The following DMXL1 variants were observed in gnomAD, a reference collection of about 807,000 sequenced individuals.
The protein encoded by DMXL1 is Dmx like 1, also known as dmX-like protein 1.
Under a neutral mutation model 319.2 loss-of-function variants are expected in DMXL1, and 99 were observed. That is an observed-to-expected ratio of 0.31 (90% CI 0.26 to 0.37). The LOEUF is 0.37. Ranked by LOEUF, DMXL1 falls within the 10% of genes least tolerant of loss-of-function variation. DMXL1 has a pLI of 1.00. For synonymous variants in DMXL1, 1,385 were observed against 1,235.2 expected, an observed-to-expected ratio of 1.12 and a Z score of -2.54; for missense variants, 3,745 against 3,595.6, an observed-to-expected ratio of 1.04 and a Z score of -1.06.
At chr5:119,125,593 C>G (rs1763349909) in intron 9 of DMXL1, among the ~76,000 whole-genome samples, 1 of 152,060 alleles carries the variant, frequency 6.6e-6, no homozygotes, top group Non-Finnish European at 1.5e-5. Flanking sequence ...GAGATGAAGT[C>G]TCACTCTGTT....
At chr5:119,086,776 G>C (rs112555872) in intron 1 of DMXL1, among the ~76,000 whole-genome samples, 1 of 151,908 alleles carries the variant, frequency 6.6e-6, no homozygotes, top group African/African-American at 2.4e-5. Context: ...TTTGAGTAGA[G>C]TTGGTATTAG....
At chr5:119,073,887 A>G (rs1750214411) in intron 1 of DMXL1, among the ~76,000 whole-genome samples, 1 of 151,526 alleles carries the variant, frequency 6.6e-6, no homozygotes, top group Non-Finnish European at 1.5e-5. Flanking sequence ...GTTAAAAGGC[A>G]GAATCTATTG....
At chr5:119,218,795 C>G (rs1023778420) in intron 35 of DMXL1, among the ~76,000 whole-genome samples, 1 of 152,170 alleles carries the variant, frequency 6.6e-6, no homozygotes, top group Non-Finnish European at 1.5e-5. Context: ...AAATTTGCAG[C>G]TGAGAAATAA....
At chr5:119,145,506 A>G (rs1453282246) in intron 15 of DMXL1, among the ~76,000 whole-genome samples, 1 of 151,786 alleles carries the variant, frequency 6.6e-6, no homozygotes, top group African/African-American at 2.4e-5. Context: ...TAAAGATATC[A>G]GGCGTAAGAG....
rs1469015575 is a variant in DMXL1, at chr5:119,121,075, C to G, written c.1038C>G (p.Asn346Lys). ...AGGATCCTCATCATGTTCACAGGAA[C>G]ACTCCACTGCATGCCAATGCACTTT... ...HQQDPHHVHR[N>K]TPLHANALCH... The change falls in exon 9 of 44, where the codon AAC becomes AAG. Residue 346 changes from asparagine (N) to lysine (K), a missense_variant. Around this residue, in one of 4 missense-constraint regions of DMXL1, gnomAD observed 2,096 missense variants for 1,985.4 expected, o/e 1.06. Transcript: ENST00000539542. The G allele has an allele frequency of 5.0e-6, 8 of 1,613,292 alleles. No homozygotes were observed. The South Asian group carries it at 7.7e-5, about 16-fold the overall frequency.
At chr5:119,176,695 G>C (rs1181928466) in intron 26 of DMXL1, among the ~76,000 whole-genome samples, 1 of 151,856 alleles carries the variant, frequency 6.6e-6, no homozygotes, top group East Asian at 1.9e-4. Context: ...TATGATATAG[G>C]AATTTCTAAA....
chr5:119,097,648 C>A (rs1580680556), intron 1 of DMXL1, among the ~76,000 whole-genome samples: 2 of 152,032 alleles, frequency 1.3e-5, no homozygotes, highest in African/African-American at 4.8e-5. Context: ...ACCTGGGAGG[C>A]GGAACTTGGA....
At chr5:119,161,440 C>T (rs1772246143) in intron 19 of DMXL1, among the ~76,000 whole-genome samples, 1 of 152,222 alleles carries the variant, frequency 6.6e-6, no homozygotes, top group Admixed American at 6.5e-5. Flanking sequence ...AGTTGTTACT[C>T]CAGATGGACA....
At chr5:119,120,119 G>T (rs931350659) in intron 8 of DMXL1, among the ~76,000 whole-genome samples, 5 of 152,086 alleles carry the variant, frequency 3.3e-5, no homozygotes, top group African/African-American at 1.2e-4. Flanking sequence ...GGTTGGTCTC[G>T]AACTCCTGGC....
At chr5:119,219,875 A>T (rs906122822) in intron 35 of DMXL1, among the ~76,000 whole-genome samples, 1 of 152,098 alleles carries the variant, frequency 6.6e-6, no homozygotes, top group Non-Finnish European at 1.5e-5. Flanking sequence ...GCCAAGATGT[A>T]CATTTTTGAT....
chr5:119,152,077 T>A, intron 19 of DMXL1, 41 bp downstream of exon 19: 2 of 1,380,508 alleles, frequency 1.4e-6, no homozygotes, highest in South Asian at 1.3e-5. Context: ...ATAAAGCGAG[T>A]AGAAAATGAG....
chr5:119,133,348 T>A lies in DMXL1; in HGVS notation c.1532T>A (p.Leu511Gln). 7 of 1,613,716 alleles carry A rather than the reference T, an allele frequency of 4.3e-6. No individual in the cohort carries two copies. Among genetic ancestry groups the A allele is most frequent in the Non-Finnish European group, 5.9e-6 (7 of 1,179,660 alleles). Residue 511 changes from leucine to glutamine, a missense_variant, in exon 11 of 44, where the codon CTG becomes CAG. Coordinates refer to ENST00000539542, the MANE Select transcript of DMXL1 (RefSeq NM_001290321.3). ...GSLLVWHVDWLDEYQPGMFRQ... is the reference protein window; with the variant it reads ...GSLLVWHVDWQDEYQPGMFRQ... ...TTGCTAGTTTGGCATGTGGATTGGC[T>A]GGATGAATACCAGCCTGGTATGTTT...
chr5:119,121,869 C>T (rs1354865641), intron 9 of DMXL1, among the ~76,000 whole-genome samples: 6 of 150,160 alleles, frequency 4.0e-5, no homozygotes, highest in African/African-American at 7.3e-5. Flanking sequence ...CGGGCAGAGG[C>T]GCCCCTCACC....
intron 34 of DMXL1, among the ~76,000 whole-genome samples, chr5:119,212,636 T>C (rs1462173527): frequency 1.3e-5 from 2 of 152,214 alleles, no homozygotes; most frequent in African/African-American, 2.4e-5. Context: ...TAAATCTCTT[T>C]TAGCGTTAAT....
intron 19 of DMXL1, among the ~76,000 whole-genome samples, chr5:119,156,028 T>G (rs1319574278): frequency 2.0e-5 from 3 of 152,226 alleles, no homozygotes; most frequent in Non-Finnish European, 2.9e-5. Context: ...GACTCCAATT[T>G]TGAAAGAAGT....
intron 43 of DMXL1, among the ~76,000 whole-genome samples, chr5:119,245,311 A>G (rs1789536490): frequency 6.6e-6 from 1 of 152,182 alleles, no homozygotes; most frequent in African/African-American, 2.4e-5. Context: ...CATCGAATTT[A>G]TTAATTTAAG....
chr5:119,226,858 A>G (rs1487021425), intron 38 of DMXL1, among the ~76,000 whole-genome samples: 1 of 152,224 alleles, frequency 6.6e-6, no homozygotes. Context: ...AAAGAAACAG[A>G]TGAAAAGTAC....
chr5:119,164,464 A>T, intron 19 of DMXL1, 43 bp from the exon 20 acceptor site: 1 of 1,530,718 alleles, frequency 6.5e-7, no homozygotes, highest in Admixed American at 1.7e-5. Context: ...TCATATAAGC[A>T]TATTTATAAT....
intron 37 of DMXL1, 63 bp downstream of exon 37, chr5:119,221,144 G>T (rs1025665557): frequency 6.7e-6 from 8 of 1,185,334 alleles, no homozygotes; most frequent in South Asian, 1.7e-5. Flanking sequence ...CTAGGTTAAT[G>T]GATAAAGGAT....
Sources: allele counts gnomAD v4.1 joint callset (sites outside exome capture counted in the v4.1 genomes callset), GRCh38; gene constraint gnomAD v4.1.1; regional missense constraint gnomAD v4.1.1; transcripts MANE v1.5; gene names NCBI Gene and HGNC (gene_info 2026-07-23, HGNC 2026-07-21).